The following IL1RAPL1 variants were observed in gnomAD, a reference collection of about 807,000 sequenced individuals.
IL1RAPL1 encodes interleukin 1 receptor accessory protein like 1.
In IL1RAPL1, 3 loss-of-function variants were observed where a neutral mutation model predicts 48.4. The observed-to-expected ratio is 0.06, with a 90% CI of 0.03 to 0.16. The LOEUF is 0.16. IL1RAPL1 is among the 10% of genes least tolerant of loss of function. The probability of loss-of-function intolerance (pLI) is 1.00; values close to 1 mark genes in which losing one functional copy is unlikely to be tolerated. For synonymous variants in IL1RAPL1, 185 were observed against 187.7 expected (o/e 0.99, Z 0.12); for missense variants, 349 against 530.6 (o/e 0.66, Z 3.36).
intron 2 of IL1RAPL1, among the ~76,000 whole-genome samples, chrX:29,179,993 A>G (rs1930110403): frequency 9.2e-6 from 1 of 109,036 alleles, no homozygotes; most frequent in Non-Finnish European, 1.9e-5. Flanking sequence ...ACTCGTGAGC[A>G]CTACTGGCCC....
At chrX:29,119,170 C>T (rs1928732877) in intron 2 of IL1RAPL1, among the ~76,000 whole-genome samples, 1 of 110,535 alleles carries the variant, frequency 9.0e-6, no homozygotes, top group African/African-American at 3.3e-5. Flanking sequence ...CATATATTTA[C>T]ATAGATGTAA....
At chrX:28,738,731 T>A (rs1025720110) in intron 1 of IL1RAPL1, among the ~76,000 whole-genome samples, 1 of 111,092 alleles carries the variant, frequency 9.0e-6, no homozygotes, top group African/African-American at 3.3e-5. Context: ...AGAAAGATAA[T>A]GTTGTTAGGA....
In IL1RAPL1 at chrX:29,806,166, T is replaced by G. The variant is rs1293365373; in HGVS notation, c.779-111298T>G. On this transcript the variant is annotated intron_variant, in intron 6 of 10. Coordinates refer to ENST00000378993, the MANE Select transcript of IL1RAPL1 (RefSeq NM_014271.4). ...TGTAATAAGGATAAAAACATAAGTC[T>G]TTTTCTGTTGCTCTTGCTCTATGTA... 9.0e-5 allele frequency among the ~76,000 whole-genome samples: 10 copies of G among 111,336 alleles called. No individual in the cohort carries two copies. In the Admixed American group the frequency reaches 9.5e-4, roughly 11 times the overall value.
At chrX:29,233,088 C>T (rs1030011018) in intron 2 of IL1RAPL1, among the ~76,000 whole-genome samples, 7 of 111,657 alleles carry the variant, frequency 6.3e-5, no homozygotes, top group Admixed American at 9.5e-5. Context: ...TGTGAGCCAC[C>T]GTGCCTGGCC....
At chrX:28,776,489 T>TA (rs747486678) in intron 1 of IL1RAPL1, among the ~76,000 whole-genome samples, 95 of 112,038 alleles carry the variant, frequency 8.5e-4, no homozygotes, top group Non-Finnish European at 2.4e-4. Context: ...GTCACATAAA[T>TA]ATCACTTAGA....
chrX:29,676,004 A>G (rs1926276996), intron 6 of IL1RAPL1, among the ~76,000 whole-genome samples: 2 of 112,212 alleles, frequency 1.8e-5, no homozygotes, highest in African/African-American at 6.5e-5. Flanking sequence ...TGATCATCAT[A>G]TTATCACTGT....
chrX:29,090,771 A>G (rs1195411448), intron 2 of IL1RAPL1, among the ~76,000 whole-genome samples: 1 of 112,135 alleles, frequency 8.9e-6, no homozygotes. Flanking sequence ...GAAAATTAGA[A>G]TATGTTGAAG....
chrX:28,722,249 T>A (rs767015130), intron 1 of IL1RAPL1, among the ~76,000 whole-genome samples: 1,591 of 111,683 alleles, frequency 0.014, 27 homozygotes, highest in African/African-American at 0.049. Context: ...CTTCCATTTG[T>A]TTGTATCCTC....
chrX:28,928,505 C>A (rs1232395358), intron 2 of IL1RAPL1, among the ~76,000 whole-genome samples: 1 of 111,892 alleles, frequency 8.9e-6, no homozygotes, highest in African/African-American at 3.2e-5. Flanking sequence ...CTCTGCCTAG[C>A]TTTTTACCCC....
intron 3 of IL1RAPL1, among the ~76,000 whole-genome samples, chrX:29,333,631 GC>G (rs1446195230): frequency 5.1e-5 from 4 of 78,247 alleles, no homozygotes; most frequent in Non-Finnish European, 7.4e-5. Flanking sequence ...GGGCAGAGGG[GC>G]TCCTCACTTC....
At chrX:29,562,290 G>A (rs1319418709) in intron 5 of IL1RAPL1, among the ~76,000 whole-genome samples, 1 of 108,704 alleles carries the variant, frequency 9.2e-6, no homozygotes, top group Non-Finnish European at 1.9e-5. Flanking sequence ...AGCCAGATAT[G>A]AGTTCTTTTT....
chrX:29,140,770 C>T (rs1239358218), intron 2 of IL1RAPL1, among the ~76,000 whole-genome samples: 1 of 111,446 alleles, frequency 9.0e-6, no homozygotes, highest in Non-Finnish European at 1.9e-5. Context: ...CAGAGGGCAC[C>T]ATCTTGCTGA....
At chrX:29,003,950 C>T (rs993723610) in intron 2 of IL1RAPL1, among the ~76,000 whole-genome samples, 2 of 111,462 alleles carry the variant, frequency 1.8e-5, no homozygotes, top group African/African-American at 3.3e-5. Context: ...GAGACCAACC[C>T]GGCCAACATG....
chrX:29,403,156 T>C lies in IL1RAPL1; in HGVS notation c.703+3848T>C, dbSNP rs562487282. On this transcript the variant is annotated intron_variant, in intron 5 of 10. Transcript: ENST00000378993. ...GTGGTATTCTGCTACATGAGATATA[T>C]GTCTGTTCTCCCACATTTATCTACT... 6.2e-5 allele frequency among the ~76,000 whole-genome samples: 7 copies of C among 112,791 alleles called. No homozygotes were observed. In the East Asian group the frequency reaches 1.9e-3, roughly 31 times the overall value.
chrX:29,166,727 T>C (rs1056910121), intron 2 of IL1RAPL1, among the ~76,000 whole-genome samples: 4 of 111,736 alleles, frequency 3.6e-5, no homozygotes, highest in Non-Finnish European at 5.6e-5. Flanking sequence ...TACTTTTTTC[T>C]CTTTCTCCTC....
intron 1 of IL1RAPL1, among the ~76,000 whole-genome samples, chrX:28,779,450 T>C (rs988268863): frequency 4.6e-4 from 50 of 107,980 alleles, no homozygotes; most frequent in Admixed American, 1.7e-3. Context: ...ATATTGTTGT[T>C]CACATGGTTT....
intron 2 of IL1RAPL1, among the ~76,000 whole-genome samples, chrX:29,255,837 C>CAGTTTCTT (rs1166112902): frequency 2.7e-5 from 3 of 111,598 alleles, no homozygotes; most frequent in Non-Finnish European, 3.8e-5. Context: ...ATATGTACCA[C>CAGTTTCTT]AGTTTCTTTA....
chrX:29,521,819 T>TA (rs2147773165), intron 5 of IL1RAPL1, among the ~76,000 whole-genome samples: 1 of 112,180 alleles, frequency 8.9e-6, no homozygotes, highest in Non-Finnish European at 1.9e-5. Flanking sequence ...GTACATTTCT[T>TA]ATAGTGTAAT....
At chrX:28,720,239 T>A (rs766487022) in intron 1 of IL1RAPL1, among the ~76,000 whole-genome samples, 1 of 111,188 alleles carries the variant, frequency 9.0e-6, no homozygotes, top group South Asian at 3.8e-4. Context: ...TTGTCCAGCC[T>A]ACCCAGCTGC....
Sources: allele counts gnomAD v4.1 joint callset (sites outside exome capture counted in the v4.1 genomes callset), GRCh38; gene constraint gnomAD v4.1.1; transcripts MANE v1.5; gene names NCBI Gene and HGNC (gene_info 2026-07-23, HGNC 2026-07-21).